The following SEMA3C variants were observed in gnomAD, a reference collection of about 807,000 sequenced individuals.
The protein encoded by SEMA3C is semaphorin 3C.
SEMA3C carries 47 observed loss-of-function variants against 89.4 expected under a neutral mutation model. That is an observed-to-expected ratio of 0.53 (90% CI 0.42 to 0.67). SEMA3C has a LOEUF of 0.67. Ranked by LOEUF, SEMA3C falls within the 30% of genes least tolerant of loss-of-function variation. SEMA3C has a pLI of 0.00. For missense variants in SEMA3C, 839 were observed against 929.1 expected, an observed-to-expected ratio of 0.90 and a Z score of 1.26; for synonymous variants, 310 against 320.2, an observed-to-expected ratio of 0.97 and a Z score of 0.34.
intron 15 of SEMA3C, among the ~76,000 whole-genome samples, chr7:80,753,699 C>T (rs890195131): frequency 2.0e-5 from 3 of 152,134 alleles, no homozygotes; most frequent in Admixed American, 6.5e-5. Context: ...ATGTTTCATC[C>T]ACAACAGTAA....
intron 7 of SEMA3C, among the ~76,000 whole-genome samples, chr7:80,805,241 G>A (rs1248264885): frequency 6.6e-6 from 1 of 152,042 alleles, no homozygotes; most frequent in Non-Finnish European, 1.5e-5. Flanking sequence ...GCATCTCAAT[G>A]TCATACATTT....
intron 5 of SEMA3C, among the ~76,000 whole-genome samples, chr7:80,813,867 C>G (rs557131857): frequency 2.0e-5 from 3 of 151,804 alleles, no homozygotes; most frequent in African/African-American, 7.3e-5. Context: ...CAGCGTCTAA[C>G]GTCAATTATT....
chr7:80,784,024 C>T (rs973093197), intron 12 of SEMA3C, among the ~76,000 whole-genome samples: 2 of 152,148 alleles, frequency 1.3e-5, no homozygotes, highest in African/African-American at 4.8e-5. Context: ...TCAAAAACCA[C>T]GTCATTCTGA....
intron 2 of SEMA3C, among the ~76,000 whole-genome samples, chr7:80,913,014 T>G (rs755572077): frequency 6.6e-5 from 10 of 152,256 alleles, no homozygotes; most frequent in Non-Finnish European, 1.0e-4. Context: ...TCCATAGTCT[T>G]TCATTTACAT....
chr7:80,899,552 A>C (rs899519051), intron 2 of SEMA3C, among the ~76,000 whole-genome samples: 13 of 152,176 alleles, frequency 8.5e-5, no homozygotes, highest in African/African-American at 2.9e-4. Flanking sequence ...CCCTGGAGAC[A>C]GCATTCTTAT....
intron 2 of SEMA3C, among the ~76,000 whole-genome samples, chr7:80,862,707 T>C (rs1176718852): frequency 6.6e-6 from 1 of 152,108 alleles, no homozygotes; most frequent in Non-Finnish European, 1.5e-5. Context: ...TATAAGGCCA[T>C]AGTCACCAAA....
Position 80,896,963 on chromosome 7 carries a change from C to T in SEMA3C, c.103+19716G>A, listed in dbSNP as rs1204624286. Among the ~76,000 whole-genome samples the T allele has an allele frequency of 2.6e-5, 4 of 152,096 alleles. 1 individual carries two copies. In the East Asian group the frequency reaches 7.7e-4, roughly 29 times the overall value. On this transcript the variant is annotated intron_variant, in intron 2 of 17. Transcript: ENST00000265361. ...TTCCGATCTCAAAAGAAAGGAAACC[C>T]GGTGACAGTGTGTGGCAGGGTAGCA...
At chr7:80,789,269 C>A (rs202165576) in intron 12 of SEMA3C, 37 bp downstream of exon 12, 7 of 1,527,978 alleles carry the variant, frequency 4.6e-6, no homozygotes, top group Admixed American at 1.8e-5. Flanking sequence ...CATTCTTTTA[C>A]TACACATTAA....
intron 2 of SEMA3C, among the ~76,000 whole-genome samples, chr7:80,831,551 A>AT (rs890113620): frequency 6.6e-6 from 1 of 152,142 alleles, no homozygotes; most frequent in Non-Finnish European, 1.5e-5. Flanking sequence ...AATATATTCA[A>AT]TTTTTTTACA....
chr7:80,883,374 C>T (rs889618613), intron 2 of SEMA3C, among the ~76,000 whole-genome samples: 2 of 152,140 alleles, frequency 1.3e-5, no homozygotes, highest in African/African-American at 2.4e-5. Context: ...TCACAAAAAG[C>T]AGAACCAGTC....
chr7:80,922,253 A>G (rs1792422917), upstream of SEMA3C: 1 of 1,288,244 alleles, frequency 7.8e-7, no homozygotes. Context: ...AAGTTTCAAT[A>G]CTTCCTCTTA....
At chr7:80,754,260 A>C in intron 15 of SEMA3C, among the ~76,000 whole-genome samples, 1 of 152,102 alleles carries the variant, frequency 6.6e-6, no homozygotes, top group East Asian at 1.9e-4. Flanking sequence ...TTTTTTTAAA[A>C]ACGGAGACTA....
chr7:80,868,491 A>G (rs1583960683), intron 2 of SEMA3C, among the ~76,000 whole-genome samples: 1 of 151,692 alleles, frequency 6.6e-6, no homozygotes, highest in Non-Finnish European at 1.5e-5. Context: ...CTGGTCTCGA[A>G]CTCCTGACCT....
intron 2 of SEMA3C, among the ~76,000 whole-genome samples, chr7:80,844,858 T>C (rs1562902493): frequency 6.6e-6 from 1 of 152,202 alleles, no homozygotes; most frequent in Non-Finnish European, 1.5e-5. Context: ...TGAAATGTGC[T>C]AAGGAGTTAG....
chr7:80,898,271 C>A (rs990479198), intron 2 of SEMA3C, among the ~76,000 whole-genome samples: 6 of 152,088 alleles, frequency 3.9e-5, no homozygotes, highest in African/African-American at 1.2e-4. Context: ...GAGGCTGGGG[C>A]AGGAGAATCG....
At chr7:80,874,447 G>GTTATTTATTCATTTAT in intron 2 of SEMA3C, among the ~76,000 whole-genome samples, 1 of 146,616 alleles carries the variant, frequency 6.8e-6, no homozygotes, top group Admixed American at 6.8e-5. Flanking sequence ...ACCATAGCAA[G>GTTATTTATTCATTTAT]TTATTTATTT....
Position 80,843,920 on chromosome 7 carries a change from A to G in SEMA3C, c.104-15175T>C, listed in dbSNP as rs1364466268. 2.0e-5 allele frequency among the ~76,000 whole-genome samples: 3 copies of G among 151,326 alleles called. No individual in the cohort carries two copies. The East Asian group carries it at 5.8e-4, about 29-fold the overall frequency. On this transcript the variant is annotated intron_variant, in intron 2 of 17. Transcript: ENST00000265361. ...ACCACACACTACCTAATTCCTACTGAGAACATACAAAGTACCTATAAAGTG... is the reference window on the plus strand; with the variant it reads ...ACCACACACTACCTAATTCCTACTGGGAACATACAAAGTACCTATAAAGTG...
rs546605613 is a variant in SEMA3C, at chr7:80,863,753, C to CAT, written c.104-35010_104-35009dup. ...TATCACATATATAGTAGTATTCCAT[C>CAT]ATATATATAGTAGTATTCCATCATA... On this transcript the variant is annotated intron_variant, in intron 2 of 17. Coordinates refer to ENST00000265361, the MANE Select transcript of SEMA3C (RefSeq NM_006379.5). Among the ~76,000 whole-genome samples, 5 of 132,184 alleles carry CAT rather than the reference C, an allele frequency of 3.8e-5. No homozygotes were observed. The South Asian group carries it at 1.2e-3, about 32-fold the overall frequency. 86.7% of individuals were successfully genotyped at this position (132,184 alleles called of 152,430 possible).
chr7:80,744,474 G>A lies in SEMA3C; in HGVS notation c.*420C>T, dbSNP rs1049327283. ...CATATGCATTTATGACTTTTACTACGTAAAAGCTGTGGATTTGGAACTTGT... is the reference window on the plus strand; with the variant it reads ...CATATGCATTTATGACTTTTACTACATAAAAGCTGTGGATTTGGAACTTGT... On this transcript the variant is annotated 3_prime_UTR_variant, in exon 18 of 18. Transcript: ENST00000265361. The A allele has an allele frequency of 2.2e-5, 4 of 179,228 alleles. No individual in the cohort carries two copies. Among genetic ancestry groups the A allele is most frequent in the Admixed American group, 5.9e-5 (1 of 17,062 alleles). The allele number at this position is 179,228 out of a possible 1,614,324, so 11.1% of individuals were successfully genotyped here.
Sources: allele counts gnomAD v4.1 joint callset (sites outside exome capture counted in the v4.1 genomes callset), GRCh38; gene constraint gnomAD v4.1.1; transcripts MANE v1.5; gene names NCBI Gene and HGNC (gene_info 2026-07-23, HGNC 2026-07-21).